The following SREK1 variants were observed in gnomAD, a reference collection of about 807,000 sequenced individuals.
SREK1 encodes splicing regulatory glutamine/lysine-rich protein 1.
SREK1 carries 13 observed loss-of-function variants against 66.5 expected under a neutral mutation model. The observed-to-expected ratio is 0.20, with a 90% CI of 0.13 to 0.31. The LOEUF is 0.31. Ranked by LOEUF, SREK1 falls within the 10% of genes least tolerant of loss-of-function variation. The pLI, the probability that SREK1 is intolerant of heterozygous loss-of-function variation, is 1.00. For missense variants in SREK1, 607 were observed against 769.6 expected, an observed-to-expected ratio of 0.79 and a Z score of 2.50; for synonymous variants, 265 against 263.5, an observed-to-expected ratio of 1.01 and a Z score of -0.05.
intron 7 of SREK1, chr5:66,167,538 T>C (rs1745274217): frequency 6.6e-6 from 1 of 152,194 alleles, no homozygotes; most frequent in Non-Finnish European, 1.5e-5. Context: ...GATAAATCTT[T>C]AGTTAGATTA....
chr5:66,173,856 G>A lies in SREK1; in HGVS notation c.1485-1090G>A, dbSNP rs1431213195. The stretch of plus-strand genomic sequence containing the variant: ...AATGTATCTAATTTCCACATTAGAA[G>A]TGTAATTGTGGAGTGTCTTGGGAAT... On this transcript the variant is annotated intron_variant, in intron 9 of 11. Transcript: ENST00000334121. 4.6e-5 allele frequency among the ~76,000 whole-genome samples: 7 copies of A among 152,212 alleles called. No homozygotes were observed. The East Asian group carries it at 1.3e-3, about 29-fold the overall frequency.
intron 11 of SREK1, among the ~76,000 whole-genome samples, chr5:66,178,256 C>G (rs554715216): frequency 6.6e-6 from 1 of 151,946 alleles, no homozygotes; most frequent in African/African-American, 2.4e-5. Context: ...TACGATGTGC[C>G]GGGCACTGTT....
chr5:66,145,514 C>G (rs1280421807), intron 1 of SREK1, among the ~76,000 whole-genome samples: 1 of 151,868 alleles, frequency 6.6e-6, no homozygotes, highest in African/African-American at 2.4e-5. Context: ...GCATTTAGAC[C>G]TATTTTTCTT....
intron 1 of SREK1, among the ~76,000 whole-genome samples, chr5:66,150,384 G>C (rs2111942405): frequency 6.6e-6 from 1 of 152,324 alleles, no homozygotes; most frequent in South Asian, 2.1e-4. Context: ...ATGGGAGTTA[G>C]CGAGGACATC....
At position 66,174,834 on chromosome 5, in the gene SREK1, TC is replaced by T. The variant is rs575230329; in HGVS notation, c.1485-111del. ...TAAAGGACATAAGTTTAAACTGGCC[TC>T]TAAAGAATACTGTTCATATGAGAAT... On this transcript the variant is annotated intron_variant, in intron 9 of 11. Coordinates refer to ENST00000334121, the MANE Select transcript of SREK1 (RefSeq NM_001077199.3). 1.6e-4 allele frequency: 145 copies of T among 931,650 alleles called. 1 individual carries two copies. In the African/African-American group the frequency reaches 2.1e-3, roughly 13 times the overall value. 57.7% of individuals were successfully genotyped at this position (931,650 alleles called of 1,614,324 possible).
In SREK1 at chr5:66,144,557, T is replaced by TG. The variant is rs1350581127; in HGVS notation, c.161+25dup. 2.0e-6 allele frequency: 3 copies of TG among 1,538,028 alleles called. No homozygotes were observed. The African/African-American group carries it at 4.2e-5, about 21-fold the overall frequency. On this transcript the variant is annotated intron_variant, in intron 1 of 11. Transcript: ENST00000334121. ...CCCGGAGTAAGTGCTGGAGCTCGGCTGGGGGAGGGGCGCGGGCGCCATAGA... is the reference window on the plus strand; with the variant it reads ...CCCGGAGTAAGTGCTGGAGCTCGGCTGGGGGGAGGGGCGCGGGCGCCATAGA...
At position 66,178,772 on chromosome 5, in the gene SREK1, C is replaced by T. The variant is rs1420611036; in HGVS notation, c.1779C>T (p.Asp593=). The part of the protein sequence containing the change: ...PDSSVSKEVD[D]KDAPRTEENK... ...CAAGTGTGAGCAAAGAAGTAGATGACAAGGATGCACCAAGGACTGAGGAAA... is the reference window on the plus strand; with the variant it reads ...CAAGTGTGAGCAAAGAAGTAGATGATAAGGATGCACCAAGGACTGAGGAAA... The change falls in exon 12 of 12, where the codon GAC becomes GAT. Residue 593 remains aspartate (D), a synonymous_variant. Transcript: ENST00000334121. 1 of 1,612,564 alleles carries T rather than the reference C, an allele frequency of 6.2e-7. No individual in the cohort carries two copies. The highest frequency in any genetic ancestry group is 1.3e-5 in the African/African-American group (1 of 74,950).
At chr5:66,154,859 A>G (rs1474613254) in intron 2 of SREK1, among the ~76,000 whole-genome samples, 1 of 152,172 alleles carries the variant, frequency 6.6e-6, no homozygotes, top group African/African-American at 2.4e-5. Context: ...CAAATTGGTG[A>G]GGTGGGAAAG....
intron 2 of SREK1, chr5:66,155,983 T>C: frequency 1.3e-6 from 2 of 1,528,626 alleles, no homozygotes; most frequent in Non-Finnish European, 1.8e-6. Context: ...CATAACTTTA[T>C]GTCCACATTT....
At chr5:66,159,781 C>G (rs972919892) in intron 3 of SREK1, among the ~76,000 whole-genome samples, 1 of 152,148 alleles carries the variant, frequency 6.6e-6, no homozygotes, top group African/African-American at 2.4e-5. Context: ...ATTAACTATG[C>G]AGAATTAAAT....
chr5:66,178,282 C>CT (rs1357414132), intron 11 of SREK1, among the ~76,000 whole-genome samples: 1 of 152,016 alleles, frequency 6.6e-6, no homozygotes, highest in Non-Finnish European at 1.5e-5. Flanking sequence ...TCATTTAACT[C>CT]TTTTAAATTG....
rs566130772 is a variant in SREK1 at position 66,180,992 on chromosome 5, A to G, written c.*2124A>G. ...GAGAGTGCATGTTTGTGTGGTGTCT[A>G]TAAAACAAGTCATTTAAAGTATGAG... On this transcript the variant is annotated 3_prime_UTR_variant, in exon 12 of 12. Transcript: ENST00000334121. 1.3e-5 allele frequency: 2 copies of G among 152,338 alleles called. No individual in the cohort carries two copies. Among genetic ancestry groups the G allele is most frequent in the Admixed American group, 6.5e-5 (1 of 15,284 alleles). The allele number at this position is 152,338 out of a possible 1,614,324, so 9.4% of individuals were successfully genotyped here.
intron 2 of SREK1, chr5:66,158,799 G>A: frequency 7.8e-7 from 1 of 1,288,870 alleles, no homozygotes; most frequent in East Asian, 5.6e-5. Flanking sequence ...GATGTTCTGT[G>A]TGCTATTAGT....
chr5:66,167,805 A>G, intron 7 of SREK1: 1 of 152,364 alleles, frequency 6.6e-6, no homozygotes, highest in East Asian at 1.9e-4. Context: ...TGAGGAAAAC[A>G]AAAGAATTAT....
chr5:66,159,430 CTTT>C (rs34136434), intron 3 of SREK1, 96 bp downstream of exon 3: 314 of 625,288 alleles, frequency 5.0e-4, no homozygotes, highest in South Asian at 6.8e-4. Context: ...GGATCTTCTT[CTTT>C]TTTTTTTTTT....
In SREK1 at chr5:66,151,756, G is replaced by A. The variant is rs1024967695; in HGVS notation, c.162-1707G>A. 2.6e-5 allele frequency among the ~76,000 whole-genome samples: 4 copies of A among 151,002 alleles called. No homozygotes were observed. In the South Asian group the frequency reaches 8.4e-4, roughly 32 times the overall value. On this transcript the variant is annotated intron_variant, in intron 1 of 11. Coordinates refer to ENST00000334121, the MANE Select transcript of SREK1 (RefSeq NM_001077199.3). Reference sequence around the variant, plus strand: ...TTAGGTGTTGGGTTGGGTAAGGAGGGATTTTTGTTGAGGGCTGATGTGAAT... The same window carrying A: ...TTAGGTGTTGGGTTGGGTAAGGAGGAATTTTTGTTGAGGGCTGATGTGAAT...
At chr5:66,175,903 T>A (rs1746017954) in intron 10 of SREK1, among the ~76,000 whole-genome samples, 1 of 152,134 alleles carries the variant, frequency 6.6e-6, no homozygotes. Context: ...TTTAAAAAAT[T>A]GTTTGTGAGA....
chr5:66,151,063 A>G (rs1743753104), intron 1 of SREK1, among the ~76,000 whole-genome samples: 1 of 151,306 alleles, frequency 6.6e-6, no homozygotes, highest in Non-Finnish European at 1.5e-5. Context: ...CTGGTCTCAA[A>G]CTCCTGACAT....
At chr5:66,152,669 C>T (rs1743943890) in intron 1 of SREK1, among the ~76,000 whole-genome samples, 1 of 152,060 alleles carries the variant, frequency 6.6e-6, no homozygotes, top group Admixed American at 6.5e-5. Context: ...TTACAGATTA[C>T]GTATGTACTT....
Sources: gnomAD v4.1 joint callset for allele counts (sites outside exome capture counted in the v4.1 genomes callset) on GRCh38, gnomAD v4.1.1 for gene constraint, MANE v1.5 for transcripts, NCBI Gene and HGNC (gene_info 2026-07-23, HGNC 2026-07-21) for gene names.